Variants in CDC45 observed in about 807,000 individuals in gnomAD.
CDC45 encodes cell division control protein 45 homolog.
CDC45 carries 54 observed loss-of-function variants against 77.8 expected under a neutral mutation model. The observed-to-expected ratio is 0.69, with a 90% CI of 0.56 to 0.87. The LOEUF (loss-of-function observed/expected upper bound fraction) is 0.87. CDC45 is among the 40% of genes least tolerant of loss of function. CDC45 has a pLI of 0.00. For synonymous variants in CDC45, 260 were observed against 272.1 expected, an observed-to-expected ratio of 0.96 and a Z score of 0.44; for missense variants, 649 against 721.6, an observed-to-expected ratio of 0.90 and a Z score of 1.15.
chr22:19,482,581 C>T (rs2089999995), intron 3 of CDC45, 109 bp from the exon 4 acceptor site: 2 of 1,231,510 alleles, frequency 1.6e-6, no homozygotes, highest in African/African-American at 3.0e-5. Context: ...TGGGCCTCGC[C>T]ACATGTCAGG....
chr22:19,490,199 T>A (rs1444824852), intron 5 of CDC45, among the ~76,000 whole-genome samples: 1 of 152,222 alleles, frequency 6.6e-6, no homozygotes, highest in Non-Finnish European at 1.5e-5. Flanking sequence ...CAGCATACAG[T>A]TGGCTCATAT....
upstream of CDC45, chr22:19,479,686 G>A (rs927247555): frequency 1.5e-6 from 1 of 687,546 alleles, no homozygotes; most frequent in Non-Finnish European, 2.7e-6. Context: ...TCGCTTTTCT[G>A]GGTAAAAGCG....
At chr22:19,495,831 GA>G in intron 6 of CDC45, 149 bp from the exon 7 acceptor site, 1 of 706,314 alleles carries the variant, frequency 1.4e-6, no homozygotes, top group South Asian at 1.5e-5. Context: ...CAACAAAAAA[GA>G]AAAAACCAAG....
intron 5 of CDC45, among the ~76,000 whole-genome samples, chr22:19,486,867 G>C (rs1281097136): frequency 6.6e-6 from 1 of 152,022 alleles, no homozygotes. Flanking sequence ...TAGTAGAGAC[G>C]GGGTTTCACC....
chr22:19,493,067 C>T (rs13447209), intron 5 of CDC45, among the ~76,000 whole-genome samples: 7 of 152,162 alleles, frequency 4.6e-5, no homozygotes, highest in East Asian at 3.9e-4. Flanking sequence ...GCTACAGCTT[C>T]GCAAGGATGG....
At chr22:19,504,956 C>T (rs1464548010) in intron 9 of CDC45, 3 of 209,514 alleles carry the variant, frequency 1.4e-5, no homozygotes, top group Non-Finnish European at 2.9e-5. Context: ...TGATGTGCTG[C>T]GAGCTGGGTT....
intron 7 of CDC45, among the ~76,000 whole-genome samples, chr22:19,497,154 G>A (rs1258043425): frequency 6.6e-6 from 1 of 152,220 alleles, no homozygotes; most frequent in African/African-American, 2.4e-5. Context: ...AAAATATACA[G>A]ACAGTAATGA....
chr22:19,507,626 A>G, intron 11 of CDC45, 109 bp downstream of exon 11: 2 of 1,453,950 alleles, frequency 1.4e-6, no homozygotes, highest in Admixed American at 1.8e-5. Context: ...CTGTTCTGCC[A>G]TAAGCTCCTT....
intron 5 of CDC45, among the ~76,000 whole-genome samples, chr22:19,487,779 G>A (rs528071438): frequency 6.6e-6 from 1 of 151,844 alleles, no homozygotes; most frequent in South Asian, 2.1e-4. Flanking sequence ...GGGCATGGTG[G>A]CAGGAGCCTG....
intron 5 of CDC45, among the ~76,000 whole-genome samples, chr22:19,485,093 G>A (rs914935060): frequency 2.0e-5 from 3 of 151,962 alleles, no homozygotes; most frequent in Non-Finnish European, 4.4e-5. Flanking sequence ...CTAATCTTTG[G>A]TTTGTGAGGG....
chr22:19,479,716 A>C (rs1391353973), upstream of CDC45: 29 of 665,092 alleles, frequency 4.4e-5, no homozygotes, highest in East Asian at 8.5e-5. Flanking sequence ...TGAAGGGGGC[A>C]ACAGTGTTTG....
chr22:19,516,505 AG>A (rs754124102), intron 15 of CDC45, 21 bp from the exon 16 acceptor site: 4 of 1,588,458 alleles, frequency 2.5e-6, no homozygotes, highest in Non-Finnish European at 3.5e-6. Flanking sequence ...ACCCTGACGG[AG>A]GGTGCTCTCC....
At chr22:19,487,651 C>T (rs563365351) in intron 5 of CDC45, among the ~76,000 whole-genome samples, 1 of 152,068 alleles carries the variant, frequency 6.6e-6, no homozygotes, top group Non-Finnish European at 1.5e-5. Flanking sequence ...TGGTGGCTCA[C>T]GCCTGTAATC....
chr22:19,511,119 A>C (rs763892041), intron 13 of CDC45, among the ~76,000 whole-genome samples: 1 of 152,172 alleles, frequency 6.6e-6, no homozygotes, highest in African/African-American at 2.4e-5. Flanking sequence ...CATTCCCACC[A>C]GGAGGGAGGG....
rs1601996363 is a variant in CDC45 at position 19,516,606 on chromosome 22, T to G, written c.1520T>G (p.Val507Gly). ...ATGGAGCATGGCACAGTGACCGTGG[T>G]GGGCATCCCCCCAGAGACCGACAGC... ...LSMEHGTVTV[V>G]GIPPETDSSD... The change falls in exon 16 of 19, where the codon GTG becomes GGG. Residue 507 changes from valine (V) to glycine (G), a missense_variant. Physicochemically the swap from Val to Gly is moderately radical, Grantham distance 109 (BLOSUM62 -3). Transcript: ENST00000263201. 6.2e-7 allele frequency: 1 copy of G among 1,613,838 alleles called. No individual in the cohort carries two copies. The highest frequency in any genetic ancestry group is 8.5e-7 in the Non-Finnish European group (1 of 1,179,858).
intron 6 of CDC45, among the ~76,000 whole-genome samples, chr22:19,494,771 T>C (rs1443039564): frequency 6.6e-6 from 1 of 152,190 alleles, no homozygotes; most frequent in Non-Finnish European, 1.5e-5. Context: ...TTGAGGTGGG[T>C]CCCGGGGGAA....
intron 5 of CDC45, among the ~76,000 whole-genome samples, chr22:19,492,827 C>T (rs1001853428): frequency 2.6e-5 from 4 of 152,176 alleles, no homozygotes; most frequent in African/African-American, 4.8e-5. Flanking sequence ...ATGTCTATCA[C>T]CTGGGGCAGT....
chr22:19,516,893 G>A lies in CDC45; in HGVS notation c.1636G>A (p.Val546Ile). 6.2e-7 allele frequency: 1 copy of A among 1,612,468 alleles called. No homozygotes were observed. Among genetic ancestry groups the A allele is most frequent in the Non-Finnish European group, 8.5e-7 (1 of 1,178,620 alleles). ...GCTGCACAACCATTTTGACCTCTCA[G>A]GTGAGAGTCTCCTGCCACTCTGCCA... ...RMLHNHFDLS[V>I]IELKAEDRSK... is the part of the protein sequence containing the mutation. The change falls in exon 17 of 19, where the codon GTA becomes ATA. Residue 546 changes from valine to isoleucine, a missense_variant and splice_region_variant. Transcript: ENST00000263201.
At chr22:19,487,163 A>G (rs1601929226) in intron 5 of CDC45, among the ~76,000 whole-genome samples, 1 of 151,990 alleles carries the variant, frequency 6.6e-6, no homozygotes, top group African/African-American at 2.4e-5. Context: ...GCAATGGCAG[A>G]TGCCGGTAAT....
Sources: gnomAD v4.1 joint callset for allele counts (sites outside exome capture counted in the v4.1 genomes callset) on GRCh38, gnomAD v4.1.1 for gene constraint, MANE v1.5 for transcripts, NCBI Gene and HGNC (gene_info 2026-07-23, HGNC 2026-07-21) for gene names.